Variants in NAALADL2 observed in about 807,000 individuals in gnomAD.
NAALADL2 encodes inactive N-acetylated-alpha-linked acidic dipeptidase-like protein 2.
NAALADL2 carries 76 observed loss-of-function variants against 87.2 expected under a neutral mutation model. The ratio of observed to expected loss-of-function variants is 0.87; its 90% CI spans 0.72 to 1.05. The LOEUF (loss-of-function observed/expected upper bound fraction) is 1.05, where lower values mean the gene tolerates loss of function less well. Among genes scored for constraint, NAALADL2 ranks in the 50% least tolerant of loss-of-function variants. The probability of loss-of-function intolerance (pLI) is 0.00; values close to 1 mark genes in which losing one functional copy is unlikely to be tolerated. For synonymous variants in NAALADL2, 354 were observed against 331.0 expected (o/e 1.07, Z -0.75); for missense variants, 1,089 against 945.8 (o/e 1.15, Z -1.99).
At chr3:175,087,717 A>G (rs889491294) in intron 1 of NAALADL2, among the ~76,000 whole-genome samples, 3 of 152,080 alleles carry the variant, frequency 2.0e-5, no homozygotes, top group Admixed American at 6.6e-5. Context: ...CAGCATGCTC[A>G]TTAAGAGTCA....
At chr3:175,395,575 A>G (rs1769672310) in intron 5 of NAALADL2, among the ~76,000 whole-genome samples, 1 of 152,188 alleles carries the variant, frequency 6.6e-6, no homozygotes, top group South Asian at 2.1e-4. Context: ...CCCTGAATCT[A>G]TAGGAAACTG....
At chr3:175,319,525 T>G (rs1199620710) in intron 4 of NAALADL2, among the ~76,000 whole-genome samples, 1 of 152,194 alleles carries the variant, frequency 6.6e-6, no homozygotes, top group Non-Finnish European at 1.5e-5. Flanking sequence ...TCTCCTTTCT[T>G]TAAGAATTGC....
chr3:175,561,034 G>A (rs1716187708), intron 9 of NAALADL2, among the ~76,000 whole-genome samples: 1 of 152,152 alleles, frequency 6.6e-6, no homozygotes, highest in Non-Finnish European at 1.5e-5. Flanking sequence ...CCCAACTACT[G>A]TCTTATCTTG....
At chr3:174,654,068 G>C (rs62284714) in intron 2 of NAALADL2, among the ~76,000 whole-genome samples, 2,740 of 144,320 alleles carry the variant, frequency 0.019, 26 homozygotes, top group Non-Finnish European at 0.028. Flanking sequence ...CTTTGTGTGT[G>C]TGTGTGTGTG....
At chr3:175,744,644 A>G (rs1397486302) in intron 12 of NAALADL2, among the ~76,000 whole-genome samples, 1 of 152,236 alleles carries the variant, frequency 6.6e-6, no homozygotes, top group African/African-American at 2.4e-5. Flanking sequence ...TAAAATAATC[A>G]TGGTCAAAGA....
chr3:174,452,426 C>G (rs895516177), intron 1 of NAALADL2, among the ~76,000 whole-genome samples: 1 of 152,124 alleles, frequency 6.6e-6, no homozygotes, highest in South Asian at 2.1e-4. Context: ...AAGTGTATAC[C>G]CTGCTGCATT....
At chr3:174,888,582 G>A (rs977949805) in intron 1 of NAALADL2, among the ~76,000 whole-genome samples, 5 of 152,144 alleles carry the variant, frequency 3.3e-5, no homozygotes, top group Non-Finnish European at 7.3e-5. Flanking sequence ...ACGTTAGAAC[G>A]TGACCCTAAG....
At chr3:174,889,133 C>G (rs1482567787) in intron 1 of NAALADL2, among the ~76,000 whole-genome samples, 1 of 152,082 alleles carries the variant, frequency 6.6e-6, no homozygotes, top group East Asian at 1.9e-4. Flanking sequence ...TATATTTTCC[C>G]TTTGCCTAAG....
At chr3:174,950,323 G>A (rs1376161534) in intron 1 of NAALADL2, among the ~76,000 whole-genome samples, 5 of 151,908 alleles carry the variant, frequency 3.3e-5, no homozygotes, top group Admixed American at 6.6e-5. Flanking sequence ...ATAATACCTG[G>A]TATATCTTGA....
intron 10 of NAALADL2, among the ~76,000 whole-genome samples, chr3:175,588,308 A>C (rs911929777): frequency 2.6e-5 from 4 of 152,120 alleles, no homozygotes; most frequent in Admixed American, 2.6e-4. Flanking sequence ...GGGTTTTAAA[A>C]GGTGTAGCTG....
intron 1 of NAALADL2, among the ~76,000 whole-genome samples, chr3:174,879,150 A>G (rs1728880544): frequency 6.6e-6 from 1 of 152,080 alleles, no homozygotes; most frequent in Admixed American, 6.6e-5. Flanking sequence ...TCGTACCTAA[A>G]TATCTGTCGT....
chr3:175,259,615 G>T (rs1750664922), intron 4 of NAALADL2, among the ~76,000 whole-genome samples: 1 of 152,110 alleles, frequency 6.6e-6, no homozygotes, highest in Non-Finnish European at 1.5e-5. Context: ...TATATAACTG[G>T]TTAGATAGAA....
At chr3:175,513,749 T>C (rs1328042222) in intron 9 of NAALADL2, among the ~76,000 whole-genome samples, 1 of 152,224 alleles carries the variant, frequency 6.6e-6, no homozygotes, top group Non-Finnish European at 1.5e-5. Flanking sequence ...TGTGGCATCT[T>C]GGATCCCAAG....
At chr3:175,347,092 T>C (rs1763232315) in intron 5 of NAALADL2, among the ~76,000 whole-genome samples, 1 of 152,154 alleles carries the variant, frequency 6.6e-6, no homozygotes, top group Non-Finnish European at 1.5e-5. Context: ...GCTGCTGCTA[T>C]TACATTGGGC....
At chr3:174,990,330 T>C (rs752322420) in intron 1 of NAALADL2, among the ~76,000 whole-genome samples, 27 of 152,128 alleles carry the variant, frequency 1.8e-4, no homozygotes, top group Non-Finnish European at 3.2e-4. Flanking sequence ...TGAAACATAT[T>C]TTATCAGTCT....
At chr3:175,021,454 G>A (rs1465923415) in intron 1 of NAALADL2, among the ~76,000 whole-genome samples, 1 of 152,054 alleles carries the variant, frequency 6.6e-6, no homozygotes, top group Non-Finnish European at 1.5e-5. Context: ...TCTTCAAATA[G>A]CTTACAAGGT....
intron 2 of NAALADL2, among the ~76,000 whole-genome samples, chr3:175,107,513 CACACACACACACACACACACAA>C (rs1285060529): frequency 9.1e-6 from 1 of 110,044 alleles, no homozygotes; most frequent in African/African-American, 4.6e-5. Context: ...CACACACATA[CACACACACACACACACACACAA>C]ACACACACAC....
chr3:174,787,621 AGTAGTGACTCT>A, intron 3 of NAALADL2, among the ~76,000 whole-genome samples: 1 of 109,238 alleles, frequency 9.2e-6, no homozygotes, highest in African/African-American at 3.1e-5. Flanking sequence ...ATATATATAT[AGTAGTGACTCT>A]CCCATTTATA....
At chr3:175,190,458 A>G (rs1204797342) in intron 2 of NAALADL2, among the ~76,000 whole-genome samples, 4 of 152,202 alleles carry the variant, frequency 2.6e-5, no homozygotes, top group Non-Finnish European at 5.9e-5. Flanking sequence ...TAGCATCATT[A>G]ATTATCAGGG....
Sources: allele counts gnomAD v4.1 joint callset (sites outside exome capture counted in the v4.1 genomes callset), GRCh38; gene constraint gnomAD v4.1.1; transcripts MANE v1.5; gene names NCBI Gene and HGNC (gene_info 2026-07-23, HGNC 2026-07-21).